The following BNIP3 variants were observed in gnomAD, a reference collection of about 807,000 sequenced individuals.
BNIP3 encodes the protein BCL2 interacting protein 3.
Under a neutral mutation model 23.9 loss-of-function variants are expected in BNIP3, and 16 were observed. That is an observed-to-expected ratio of 0.67 (90% CI 0.45 to 1.01). The LOEUF is 1.01. Among genes scored for constraint, BNIP3 ranks in the 50% least tolerant of loss-of-function variants. The pLI, the probability that BNIP3 is intolerant of heterozygous loss-of-function variation, is 0.00. For synonymous variants in BNIP3, 81 were observed against 89.3 expected (o/e 0.91, Z 0.53); for missense variants, 198 against 248.7 (o/e 0.80, Z 1.37).
chr10:131,979,895 G>A (rs2037105952), intron 1 of BNIP3, among the ~76,000 whole-genome samples: 1 of 152,222 alleles, frequency 6.6e-6, no homozygotes, highest in Admixed American at 6.5e-5. Flanking sequence ...TCAACAAGGG[G>A]CAGTGAAATC....
chr10:131,968,638 A>G, intron 5 of BNIP3, 69 bp from the exon 6 acceptor site: 2 of 1,410,572 alleles, frequency 1.4e-6, no homozygotes, highest in South Asian at 1.2e-5. Context: ...CAGCTGAAAC[A>G]GGGTAGCTCA....
Position 131,968,340 on chromosome 10 carries a change from G to A in BNIP3, c.*184C>T, listed in dbSNP as rs2133686528. The A allele has an allele frequency of 3.7e-6, 2 of 545,814 alleles. No homozygotes were observed. Among genetic ancestry groups the A allele is most frequent in the Non-Finnish European group, 6.5e-6 (2 of 307,416 alleles). The allele number at this position is 545,814 out of a possible 1,614,324, so 33.8% of individuals were successfully genotyped here. ...TGACATGCTTATTGATCCCATAGGT[G>A]TAATTATAGATCAACATGATTTTAG... On this transcript the variant is annotated 3_prime_UTR_variant, in exon 6 of 6. Coordinates refer to ENST00000368636, the MANE Select transcript of BNIP3 (RefSeq NM_004052.4).
At position 131,970,957 on chromosome 10, in the gene BNIP3, T is replaced by A. The variant is rs368068332; in HGVS notation, c.296A>T (p.Asp99Val). The change falls in exon 4 of 6, where the codon GAT becomes GTT. Residue 99 changes from aspartate (D) to valine (V), a missense_variant. Transcript: ENST00000368636. The surrounding 1 kb of genome is among the most constrained non-coding windows in gnomAD (Gnocchi z 4.1). The part of the protein sequence containing the change: ...EKNSSQSEED[D>V]IERRKEVESI... ...TTCAACTTCTTTCCTTCTTTCAATA[T>A]CATCTTCCTCAGACTAAGATAAAGT... is the stretch of plus-strand genomic sequence containing the variant. 6.2e-7 allele frequency: 1 copy of A among 1,613,808 alleles called. No homozygotes were observed. Among genetic ancestry groups the A allele is most frequent in the Non-Finnish European group, 8.5e-7 (1 of 1,179,956 alleles).
rs112433784 is a variant in BNIP3, at chr10:131,968,398, G to A, written c.*126C>T. 2.4e-5 allele frequency: 18 copies of A among 753,160 alleles called. 1 individual carries two copies. Among genetic ancestry groups the A allele is most frequent in the African/African-American group, 1.4e-4 (8 of 57,032 alleles). The allele number at this position is 753,160 out of a possible 1,614,324, so 46.7% of individuals were successfully genotyped here. ...TCTTTTATTTTACTAAATTAGGAAC[G>A]CAGCATTTACAGAACAAATAAACAC... On this transcript the variant is annotated 3_prime_UTR_variant, in exon 6 of 6. Transcript: ENST00000368636.
At chr10:131,974,039 G>GGTA in intron 1 of BNIP3, 96 bp from the exon 2 acceptor site, 1 of 1,490,038 alleles carries the variant, frequency 6.7e-7, no homozygotes, top group Admixed American at 1.8e-5. Context: ...ATTTCCAAGA[G>GGTA]GTAGCAATGG....
rs2036989038 is a variant in BNIP3, at chr10:131,968,221, G to T, written c.*303C>A. On this transcript the variant is annotated 3_prime_UTR_variant, in exon 6 of 6. Coordinates refer to ENST00000368636, the MANE Select transcript of BNIP3 (RefSeq NM_004052.4). ...ATTTTTAAAATACAACACACATCAT[G>T]ACTAGTATATTAAAATTATTTATAT... is the stretch of plus-strand genomic sequence containing the variant. The T allele has an allele frequency of 2.3e-5, 5 of 214,800 alleles. No individual in the cohort carries two copies. Among genetic ancestry groups the T allele is most frequent in the Admixed American group, 1.6e-4 (3 of 19,098 alleles). 13.3% of individuals were successfully genotyped at this position (214,800 alleles called of 1,614,324 possible). A position where few individuals can be genotyped will look rare whatever the true frequency, so the allele number is the denominator to read the frequency against.
At position 131,973,859 on chromosome 10, in the gene BNIP3, T is replaced by G; in HGVS notation, c.131A>C (p.Glu44Ala). 6.2e-7 allele frequency: 1 copy of G among 1,612,962 alleles called. No individual in the cohort carries two copies. The highest frequency in any genetic ancestry group is 1.3e-5 in the African/African-American group (1 of 75,028). The change falls in exon 2 of 6, where the codon GAA becomes GCA. Residue 44 changes from glutamate to alanine, a missense_variant. Glu to Ala is a moderately radical substitution (Grantham distance 107). Coordinates refer to ENST00000368636, the MANE Select transcript of BNIP3 (RefSeq NM_004052.4). ...ATGCTGTGCGTCCAGCAGTATTTTT[T>G]CCATGTCTCCATTATAAATAGAAAC... ...ASVSIYNGDM[E>A]KILLDAQHES...
rs181336845 is a variant in BNIP3 at position 131,973,052 on chromosome 10, T to C, written c.264A>G (p.Gly88=). The change falls in exon 3 of 6, where the codon GGA becomes GGG. Residue 88 remains glycine, a synonymous_variant. Coordinates refer to ENST00000368636, the MANE Select transcript of BNIP3 (RefSeq NM_004052.4). ...AGCTTACCTGTGAGCTGTTTTTCTC[T>C]CCAATGCTATGGGTATCTGTTTCAG... ...RASETDTHSI[G]EKNSSQSEED... 193 of 1,613,758 alleles carry C rather than the reference T, an allele frequency of 1.2e-4. 1 individual carries two copies. In the East Asian group the frequency reaches 3.8e-3, roughly 32 times the overall value.
chr10:131,973,587 C>T (rs1037478823), intron 2 of BNIP3: 2 of 641,740 alleles, frequency 3.1e-6, no homozygotes, highest in Admixed American at 6.0e-5. Flanking sequence ...ACATGGCTCC[C>T]CACAGACTAA....
At position 131,970,521 on chromosome 10, in the gene BNIP3, T is replaced by G; in HGVS notation, c.539+117A>C. The G allele has an allele frequency of 1.4e-6, 2 of 1,384,282 alleles. No homozygotes were observed. The highest frequency in any genetic ancestry group is 9.7e-7 in the Non-Finnish European group (1 of 1,032,576). 85.7% of individuals were successfully genotyped at this position (1,384,282 alleles called of 1,614,324 possible). On this transcript the variant is annotated intron_variant, in intron 5 of 5. Transcript: ENST00000368636. This position sits in a 1 kb window ranked among gnomAD's most constrained non-coding sequence, Gnocchi z 4.1. ...GTGACTACGTGGGTGTTTGTGAAAA[T>G]GCACCAAGCTGTAACTGATGATCTG...
Position 131,970,605 on chromosome 10 carries a change from C to T in BNIP3, c.539+33G>A, listed in dbSNP as rs768507279. On this transcript the variant is annotated intron_variant, in intron 5 of 5. Transcript: ENST00000368636. The surrounding 1 kb of genome is among the most constrained non-coding windows in gnomAD (Gnocchi z 4.1). ...CAACCCAGAATCGCCCCACGACATG[C>T]CATGACAGGAGTCACACAGTCACAT... 5.6e-6 allele frequency: 9 copies of T among 1,607,756 alleles called. No individual in the cohort carries two copies. The highest frequency in any genetic ancestry group is 2.2e-5 in the East Asian group (1 of 44,784).
At chr10:131,969,315 C>T (rs1337908839) in intron 5 of BNIP3, 1 of 152,264 alleles carries the variant, frequency 6.6e-6, no homozygotes, top group Non-Finnish European at 1.5e-5. Context: ...CTGCAGAAAT[C>T]CATCCTGAAA....
At chr10:131,971,273 A>G in intron 3 of BNIP3, 1 of 408,946 alleles carries the variant, frequency 2.4e-6, no homozygotes, top group Non-Finnish European at 4.6e-6. Context: ...AGCGGCAAAC[A>G]CTGTCCTAGG....
At chr10:131,981,439 A>G (rs2037117962) in intron 1 of BNIP3, 1 of 394,096 alleles carries the variant, frequency 2.5e-6, no homozygotes, top group Non-Finnish European at 4.5e-6. Context: ...TCCAACTGCG[A>G]GACGCAGATT....
At chr10:131,977,898 G>A (rs558181890) in intron 1 of BNIP3, among the ~76,000 whole-genome samples, 2 of 152,280 alleles carry the variant, frequency 1.3e-5, no homozygotes, top group South Asian at 2.1e-4. Flanking sequence ...CACAGCAACC[G>A]CGTAGGAAAG....
intron 2 of BNIP3, 31 bp from the exon 3 acceptor site, chr10:131,973,149 GAAC>G (rs759679282): frequency 6.3e-6 from 10 of 1,599,568 alleles, no homozygotes; most frequent in Non-Finnish European, 6.9e-6. Context: ...GGGAAAAACA[GAAC>G]ATCATGTGAA....
chr10:131,977,188 G>A (rs1404008526), intron 1 of BNIP3, among the ~76,000 whole-genome samples: 1 of 152,020 alleles, frequency 6.6e-6, no homozygotes, highest in Non-Finnish European at 1.5e-5. Context: ...AGAATCCCTT[G>A]AACCTGAGAG....
chr10:131,968,537 G>C lies in BNIP3; in HGVS notation c.572C>G (p.Thr191Ser), dbSNP rs770521693. The C allele has an allele frequency of 6.2e-7, 1 of 1,601,030 alleles. No individual in the cohort carries two copies. The highest frequency in any genetic ancestry group is 1.3e-5 in the African/African-American group (1 of 74,578). Residue 191 changes from threonine to serine, a missense_variant, in exon 6 of 6, where the codon ACC (threonine) becomes AGC (serine). Coordinates refer to ENST00000368636, the MANE Select transcript of BNIP3 (RefSeq NM_004052.4). ...IYIGRRLTTS[T>S]STF Reference sequence around the variant, plus strand: ...TCCAGTTCTTCATCAAAAGGTGCTGGTGGAGGTTGTCAGACGCCTTCCAAT... The same window carrying C: ...TCCAGTTCTTCATCAAAAGGTGCTGCTGGAGGTTGTCAGACGCCTTCCAAT...
chr10:131,981,111 G>A (rs979388048), intron 1 of BNIP3: 6 of 152,246 alleles, frequency 3.9e-5, no homozygotes, highest in Non-Finnish European at 8.8e-5. Context: ...AGGCTGTAAC[G>A]ACTGAGTGCT....
Sources: allele counts gnomAD v4.1 joint callset (sites outside exome capture counted in the v4.1 genomes callset), GRCh38; gene constraint gnomAD v4.1.1; non-coding constraint Gnocchi (gnomAD v3.1); transcripts MANE v1.5; gene names NCBI Gene and HGNC (gene_info 2026-07-23, HGNC 2026-07-21).